NBEAL1: variants seen among roughly 807,000 people sequenced by gnomAD.
NBEAL1 encodes neurobeachin-like protein 1.
NBEAL1 carries 273 observed loss-of-function variants against 351.3 expected under a neutral mutation model. The ratio of observed to expected loss-of-function variants is 0.78; its 90% CI spans 0.70 to 0.86. The LOEUF (loss-of-function observed/expected upper bound fraction) is 0.86. NBEAL1 is among the 40% of genes least tolerant of loss of function. The pLI is 0.00. For synonymous variants in NBEAL1, 1,050 were observed against 1,086.4 expected, an observed-to-expected ratio of 0.97 and a Z score of 0.66; for missense variants, 2,961 against 3,201.3, an observed-to-expected ratio of 0.92 and a Z score of 1.81.
intron 15 of NBEAL1, among the ~76,000 whole-genome samples, chr2:203,110,674 A>AAAGTAAATAAAT (rs1553610986): frequency 2.8e-4 from 37 of 130,886 alleles, no homozygotes; most frequent in African/African-American, 1.0e-3. Flanking sequence ...ATCCTGTCTC[A>AAAGTAAATAAAT]AAATAAATAA....
At chr2:203,188,436 T>C (rs767771292) in intron 44 of NBEAL1, 36 bp from the exon 45 acceptor site, 5 of 1,118,738 alleles carry the variant, frequency 4.5e-6, no homozygotes, top group South Asian at 1.9e-5. Context: ...TTGGAAGATA[T>C]CTCTATATTA....
At chr2:203,141,367 T>TTATTATTTTTC (rs1491177821) in intron 31 of NBEAL1, among the ~76,000 whole-genome samples, 1 of 38,488 alleles carries the variant, frequency 2.6e-5, no homozygotes, top group East Asian at 7.3e-4. Flanking sequence ...ATTATTATTA[T>TTATTATTTTTC]TTTTTTTTTT....
At chr2:203,143,939 C>T (rs745628136) in intron 31 of NBEAL1, among the ~76,000 whole-genome samples, 3 of 151,940 alleles carry the variant, frequency 2.0e-5, no homozygotes, top group Admixed American at 6.6e-5. Flanking sequence ...TTGCTGGACA[C>T]GGTGGCTCAC....
chr2:203,083,292 G>T lies in NBEAL1; in HGVS notation c.758G>T (p.Trp253Leu). The change falls in exon 9 of 56, where the codon TGG becomes TTG. Residue 253 changes from tryptophan to leucine, a missense_variant. By Grantham distance (61) the Trp-to-Leu change is moderately conservative. Transcript: ENST00000683969. ...LMRVLADCDS[W>L]EDGDPEEVGR... is the part of the protein sequence containing the mutation. ...CGAGTATTGGCAGATTGTGATTCCT[G>T]GGAGGATGGAGATCCTGAAGAAGTG... 2 of 1,552,882 alleles carry T rather than the reference G, an allele frequency of 1.3e-6. No individual in the cohort carries two copies. Among genetic ancestry groups the T allele is most frequent in the Non-Finnish European group, 8.7e-7 (1 of 1,147,316 alleles).
At chr2:203,032,336 A>T (rs188429368) in intron 2 of NBEAL1, among the ~76,000 whole-genome samples, 1 of 152,296 alleles carries the variant, frequency 6.6e-6, no homozygotes, top group African/African-American at 2.4e-5. Context: ...TTATGCAGGA[A>T]TAGATAACTA....
chr2:203,141,696 TTCTG>T (rs2063387298), intron 31 of NBEAL1, among the ~76,000 whole-genome samples: 1 of 151,966 alleles, frequency 6.6e-6, no homozygotes, highest in South Asian at 2.1e-4. Context: ...ATGAGACTGA[TTCTG>T]TCTACTAGTG....
chr2:203,050,036 A>T (rs2061299972), intron 4 of NBEAL1, 61 bp downstream of exon 4: 1 of 1,469,916 alleles, frequency 6.8e-7, no homozygotes, highest in Non-Finnish European at 9.3e-7. Context: ...CAATGAGAAC[A>T]CATGGAGATG....
intron 7 of NBEAL1, among the ~76,000 whole-genome samples, chr2:203,071,547 G>T (rs1046519071): frequency 6.6e-6 from 1 of 152,088 alleles, no homozygotes; most frequent in Non-Finnish European, 1.5e-5. Context: ...CCCCATTCAT[G>T]TACTTAACAC....
At chr2:203,155,913 A>T (rs1184446814) in intron 35 of NBEAL1, among the ~76,000 whole-genome samples, 1 of 152,108 alleles carries the variant, frequency 6.6e-6, no homozygotes. Flanking sequence ...GAGTGATCTC[A>T]TGGCTAACCC....
intron 3 of NBEAL1, among the ~76,000 whole-genome samples, chr2:203,047,809 T>A (rs2061254034): frequency 6.7e-6 from 1 of 150,060 alleles, no homozygotes; most frequent in Non-Finnish European, 1.5e-5. Flanking sequence ...AGTGGCATGA[T>A]CATAGCTCAC....
chr2:203,174,011 A>G (rs972122123), intron 41 of NBEAL1, among the ~76,000 whole-genome samples: 3 of 152,018 alleles, frequency 2.0e-5, no homozygotes, highest in Non-Finnish European at 4.4e-5. Flanking sequence ...TTATGCATGT[A>G]TCAGTGATAG....
intron 51 of NBEAL1, among the ~76,000 whole-genome samples, chr2:203,204,204 G>A (rs2105821513): frequency 6.7e-6 from 1 of 150,050 alleles, no homozygotes; most frequent in Non-Finnish European, 1.5e-5. Context: ...TGGGATTACA[G>A]GTGTGAGCCA....
In NBEAL1 at chr2:203,083,305, T is replaced by A; in HGVS notation, c.771T>A (p.Asp257Glu). The A allele has an allele frequency of 6.4e-7, 1 of 1,553,272 alleles. No homozygotes were observed. The highest frequency in any genetic ancestry group is 8.7e-7 in the Non-Finnish European group (1 of 1,147,408). Residue 257 changes from aspartate to glutamate, a missense_variant, in exon 9 of 56, where the codon GAT becomes GAA. Transcript: ENST00000683969. ...LADCDSWEDGDPEEVGRKAEL... is the reference protein window; with the variant it reads ...LADCDSWEDGEPEEVGRKAEL... ...ATTGTGATTCCTGGGAGGATGGAGATCCTGAAGAAGTGGGTAGGAAGGCAG... is the reference window on the plus strand; with the variant it reads ...ATTGTGATTCCTGGGAGGATGGAGAACCTGAAGAAGTGGGTAGGAAGGCAG...
At chr2:203,162,900 T>C (rs1293736664) in intron 36 of NBEAL1, among the ~76,000 whole-genome samples, 2 of 152,146 alleles carry the variant, frequency 1.3e-5, no homozygotes, top group East Asian at 3.9e-4. Flanking sequence ...ACGCCTGCAG[T>C]CCCAGCACTT....
chr2:203,113,758 G>C (rs969682156), intron 17 of NBEAL1, among the ~76,000 whole-genome samples: 6 of 151,454 alleles, frequency 4.0e-5, no homozygotes, highest in Non-Finnish European at 7.4e-5. Flanking sequence ...CCTTCTTGCT[G>C]TGTTCTCACA....
intron 31 of NBEAL1, among the ~76,000 whole-genome samples, chr2:203,142,806 C>T (rs750839761): frequency 6.6e-6 from 1 of 151,922 alleles, no homozygotes; most frequent in Non-Finnish European, 1.5e-5. Flanking sequence ...TTATTGGACT[C>T]TTGGAATTCA....
In NBEAL1 at chr2:203,036,718, T is replaced by C. The variant is rs201686698; in HGVS notation, c.52-5047T>C. The stretch of plus-strand genomic sequence containing the variant: ...ACCTCCAAATTTAAGTACTTTTTTT[T>C]CCCTTATAGTTGCTCAATTTTGTAG... On this transcript the variant is annotated intron_variant, in intron 2 of 55. Transcript: ENST00000683969. Among the ~76,000 whole-genome samples, 7 of 149,400 alleles carry C rather than the reference T, an allele frequency of 4.7e-5. No homozygotes were observed. In the East Asian group the frequency reaches 9.6e-4, roughly 21 times the overall value.
chr2:203,022,928 C>CT (rs1279373153), intron 2 of NBEAL1, among the ~76,000 whole-genome samples: 5 of 152,168 alleles, frequency 3.3e-5, no homozygotes, highest in African/African-American at 1.2e-4. Context: ...CCATTTCCTG[C>CT]TGTTGCCCTT....
At chr2:203,101,065 G>T (rs907640093) in intron 12 of NBEAL1, among the ~76,000 whole-genome samples, 14 of 151,968 alleles carry the variant, frequency 9.2e-5, no homozygotes. Flanking sequence ...GTTTAATTTG[G>T]TCCCATTTGT....
Sources: allele counts gnomAD v4.1 joint callset (sites outside exome capture counted in the v4.1 genomes callset), GRCh38; gene constraint gnomAD v4.1.1; transcripts MANE v1.5; gene names NCBI Gene and HGNC (gene_info 2026-07-23, HGNC 2026-07-21).